DTX1: variants seen among roughly 807,000 people sequenced by gnomAD.
DTX1 encodes deltex E3 ubiquitin ligase 1, also known as E3 ubiquitin-protein ligase DTX1.
DTX1 carries 26 observed loss-of-function variants against 57.8 expected under a neutral mutation model. The observed-to-expected ratio is 0.45, with a 90% confidence interval of 0.33 to 0.62. DTX1 has a LOEUF of 0.62. DTX1 is among the 20% of genes least tolerant of loss of function. The pLI is 0.02. For missense variants in DTX1, 704 were observed against 895.3 expected, an observed-to-expected ratio of 0.79 and a Z score of 2.73; for synonymous variants, 398 against 394.1, an observed-to-expected ratio of 1.01 and a Z score of -0.12.
intron 3 of DTX1, among the ~76,000 whole-genome samples, chr12:113,082,283 G>A (rs1184614087): frequency 6.6e-6 from 1 of 152,118 alleles, no homozygotes; most frequent in Non-Finnish European, 1.5e-5. Context: ...AGCCAGACAA[G>A]CCCGGCTCAA....
Position 113,077,507 on chromosome 12 carries a change from G to T in DTX1, c.343G>T (p.Gly115Cys), listed in dbSNP as rs759273535. Residue 115 changes from glycine (G) to cysteine (C), a missense_variant, in exon 3 of 10, where the codon GGC (glycine) becomes TGC (cysteine). Transcript: ENST00000548759. The surrounding 1 kb of genome is among the most constrained non-coding windows in gnomAD (Gnocchi z 7.8). ...KGIVWEWEND[G>C]GAWTAYDMDI... ...CATCGTGTGGGAGTGGGAGAACGAC[G>T]GCGGCGCATGGACGGCCTACGATAT... 1.6e-5 allele frequency: 26 copies of T among 1,609,802 alleles called. No homozygotes were observed. The African/African-American group carries it at 3.5e-4, about 22-fold the overall frequency.
At chr12:113,087,351 A>C (rs2136064303) in intron 3 of DTX1, among the ~76,000 whole-genome samples, 1 of 152,236 alleles carries the variant, frequency 6.6e-6, no homozygotes, top group South Asian at 2.1e-4. Context: ...TGGGGTAAGG[A>C]AAGGGGAAGT....
chr12:113,097,219 C>A lies in DTX1; in HGVS notation c.*280C>A. ...CCCCCTCACACACAAACACACATGT[C>A]CTGTTGAACTCATGCACGCACACCC... On this transcript the variant is annotated 3_prime_UTR_variant, in exon 10 of 10. Coordinates refer to ENST00000548759, the MANE Select transcript of DTX1 (RefSeq NM_004416.3). The A allele has an allele frequency of 2.3e-6, 1 of 441,632 alleles. No homozygotes were observed. Among genetic ancestry groups the A allele is most frequent in the South Asian group, 2.9e-5 (1 of 35,082 alleles). 27.4% of individuals were successfully genotyped at this position (441,632 alleles called of 1,614,324 possible). A position where few individuals can be genotyped will look rare whatever the true frequency, so the allele number is the denominator to read the frequency against.
At chr12:113,076,747 G>C (rs2044774662) in intron 2 of DTX1, among the ~76,000 whole-genome samples, 1 of 152,246 alleles carries the variant, frequency 6.6e-6, no homozygotes, top group Admixed American at 6.5e-5. Flanking sequence ...ATGAACTAAT[G>C]CAAGAATTGT....
intron 3 of DTX1, among the ~76,000 whole-genome samples, chr12:113,084,199 C>T (rs2044838677): frequency 6.6e-6 from 1 of 152,150 alleles, no homozygotes; most frequent in Non-Finnish European, 1.5e-5. Flanking sequence ...GCCTGGGGGA[C>T]CTGCGGGGGT....
chr12:113,089,393 G>T (rs1309335213), intron 3 of DTX1, among the ~76,000 whole-genome samples: 1 of 152,134 alleles, frequency 6.6e-6, no homozygotes, highest in Non-Finnish European at 1.5e-5. Context: ...ATGGCAGTGG[G>T]GCCCATGCCT....
chr12:113,068,978 G>C (rs1292612132), intron 2 of DTX1, among the ~76,000 whole-genome samples: 1 of 152,196 alleles, frequency 6.6e-6, no homozygotes, highest in African/African-American at 2.4e-5. Context: ...GCTTCACTCA[G>C]TGTTTGTACA....
chr12:113,070,910 C>G (rs2044734188), intron 2 of DTX1, among the ~76,000 whole-genome samples: 1 of 152,228 alleles, frequency 6.6e-6, no homozygotes, highest in Non-Finnish European at 1.5e-5. Flanking sequence ...TGGTCCCTCC[C>G]TGGAAGCAAT....
intron 3 of DTX1, among the ~76,000 whole-genome samples, chr12:113,082,326 C>CG (rs1410039357): frequency 2.6e-5 from 4 of 152,202 alleles, no homozygotes; most frequent in African/African-American, 9.7e-5. Context: ...AGAAACCCCC[C>CG]GGGGAAAATC....
At chr12:113,094,246 C>CT (rs71086142) in intron 6 of DTX1, 147 bp downstream of exon 6, 27,191 of 677,184 alleles carry the variant, frequency 0.04, 773 homozygotes, top group Non-Finnish European at 0.044. Flanking sequence ...AATAGAAATA[C>CT]TTACGTTTAA....
chr12:113,057,154 C>T (rs866116663), intron 1 of DTX1, among the ~76,000 whole-genome samples: 1 of 151,976 alleles, frequency 6.6e-6, no homozygotes, highest in Non-Finnish European at 1.5e-5. Context: ...TGCTTCCCGG[C>T]GCACCCCAGC....
intron 2 of DTX1, among the ~76,000 whole-genome samples, chr12:113,064,236 C>A (rs557025752): frequency 6.6e-6 from 1 of 152,190 alleles, no homozygotes; most frequent in African/African-American, 2.4e-5. Flanking sequence ...GGGCAGGGAG[C>A]GGCCCATCTC....
chr12:113,080,353 C>A (rs2044807747), intron 3 of DTX1, among the ~76,000 whole-genome samples: 1 of 152,014 alleles, frequency 6.6e-6, no homozygotes, highest in Non-Finnish European at 1.5e-5. Context: ...GCTCTGGCTG[C>A]CTTACAAAAA....
chr12:113,094,118 G>T lies in DTX1; in HGVS notation c.1227+19G>T, dbSNP rs199883523. 33 of 1,475,206 alleles carry T rather than the reference G, an allele frequency of 2.2e-5. No homozygotes were observed. The East Asian group carries it at 2.9e-4, about 13-fold the overall frequency. The allele number at this position is 1,475,206 out of a possible 1,614,324, so 91.4% of individuals were successfully genotyped here. On this transcript the variant is annotated intron_variant, in intron 6 of 9. Transcript: ENST00000548759. ...TGATGAGGTGAGGAGGGGATGGGGG[G>T]GCTGGGGGAGGGCCCTGGCATGGAG...
chr12:113,094,231 T>A (rs1308206806), intron 6 of DTX1, 132 bp downstream of exon 6: 10 of 747,522 alleles, frequency 1.3e-5, no homozygotes, highest in Non-Finnish European at 1.9e-5. Context: ...TGAGGTTTTT[T>A]GATGAATAGA....
At chr12:113,092,809 T>C (rs1732791) in intron 3 of DTX1, among the ~76,000 whole-genome samples, 128,714 of 152,210 alleles carry the variant, frequency 0.85, 54,636 homozygotes, top group African/African-American at 0.92. Flanking sequence ...TTGAGAGATG[T>C]TAAAATAGCT....
chr12:113,079,896 G>A (rs2044804447), intron 3 of DTX1, among the ~76,000 whole-genome samples: 2 of 152,144 alleles, frequency 1.3e-5, no homozygotes, highest in African/African-American at 4.8e-5. Context: ...GACCTGGGAC[G>A]AGTCCCTCTC....
intron 3 of DTX1, among the ~76,000 whole-genome samples, chr12:113,085,743 G>A (rs1839294204): frequency 6.6e-6 from 1 of 152,102 alleles, no homozygotes; most frequent in South Asian, 2.1e-4. Context: ...GGCACTGTTT[G>A]GGGCCCTGGG....
At chr12:113,081,344 AAGAG>A (rs1566018084) in intron 3 of DTX1, among the ~76,000 whole-genome samples, 2 of 152,216 alleles carry the variant, frequency 1.3e-5, no homozygotes, top group Admixed American at 6.5e-5. Context: ...AAATTAAAAA[AAGAG>A]AGAGATTTGA....
Sources: allele counts gnomAD v4.1 joint callset (sites outside exome capture counted in the v4.1 genomes callset), GRCh38; gene constraint gnomAD v4.1.1; non-coding constraint Gnocchi (gnomAD v3.1); transcripts MANE v1.5; gene names NCBI Gene and HGNC (gene_info 2026-07-23, HGNC 2026-07-21).